The following GPM6A variants were observed in gnomAD, a reference collection of about 807,000 sequenced individuals.
GPM6A encodes the protein neuronal membrane glycoprotein M6-a.
Under a neutral mutation model 32.1 loss-of-function variants are expected in GPM6A, and 7 were observed. The ratio of observed to expected loss-of-function variants is 0.22; its 90% CI spans 0.12 to 0.41. The LOEUF is 0.41. GPM6A is among the 10% of genes least tolerant of loss of function. The probability of loss-of-function intolerance (pLI) is 1.00; values close to 1 mark genes in which losing one functional copy is unlikely to be tolerated. For synonymous variants in GPM6A, 130 were observed against 123.4 expected (o/e 1.05, Z -0.35); for missense variants, 235 against 347.2 (o/e 0.68, Z 2.57).
chr4:175,998,808 C>G (rs192732680), intron 1 of GPM6A, among the ~76,000 whole-genome samples: 1 of 152,280 alleles, frequency 6.6e-6, no homozygotes, highest in African/African-American at 2.4e-5. Flanking sequence ...ACTGTGACAA[C>G]TGGATCTGTC....
At chr4:175,868,485 G>A (rs1479112788) in intron 1 of GPM6A, among the ~76,000 whole-genome samples, 2 of 152,100 alleles carry the variant, frequency 1.3e-5, no homozygotes, top group Non-Finnish European at 2.9e-5. Context: ...TCTAAGTAGA[G>A]CTTTACCTGC....
chr4:175,940,864 C>T (rs1739383909), intron 1 of GPM6A, among the ~76,000 whole-genome samples: 2 of 152,252 alleles, frequency 1.3e-5, no homozygotes, highest in African/African-American at 4.8e-5. Flanking sequence ...GCCTCAGCTT[C>T]CCAAAGTGCT....
intron 1 of GPM6A, among the ~76,000 whole-genome samples, chr4:175,998,140 C>T (rs1741365777): frequency 6.6e-6 from 1 of 150,440 alleles, no homozygotes; most frequent in Non-Finnish European, 1.5e-5. Context: ...AGATGTCTTG[C>T]TATTACCTCT....
chr4:175,904,238 C>G (rs1332054225), intron 1 of GPM6A, among the ~76,000 whole-genome samples: 3 of 152,034 alleles, frequency 2.0e-5, no homozygotes, highest in Non-Finnish European at 4.4e-5. Context: ...CCTAAGATAG[C>G]AAATGTGTTT....
At chr4:175,927,604 G>T (rs1359436545) in intron 1 of GPM6A, among the ~76,000 whole-genome samples, 1 of 152,242 alleles carries the variant, frequency 6.6e-6, no homozygotes, top group African/African-American at 2.4e-5. Flanking sequence ...GTATAATTCG[G>T]CCAGGCACGG....
chr4:175,918,898 A>C (rs1337452384), intron 1 of GPM6A, among the ~76,000 whole-genome samples: 2 of 152,022 alleles, frequency 1.3e-5, no homozygotes, highest in Non-Finnish European at 2.9e-5. Flanking sequence ...TATATCCTTT[A>C]CTTTTTATGA....
chr4:175,637,135 TTA>T (rs1276845941), intron 6 of GPM6A, among the ~76,000 whole-genome samples: 4 of 121,734 alleles, frequency 3.3e-5, no homozygotes, highest in Admixed American at 1.0e-4. Context: ...ATATAATATA[TTA>T]TATATGATAT....
chr4:175,986,398 G>A (rs1265100240), intron 1 of GPM6A, among the ~76,000 whole-genome samples: 2 of 151,670 alleles, frequency 1.3e-5, no homozygotes, highest in East Asian at 3.9e-4. Flanking sequence ...TAAGTTGGGT[G>A]CAGTGGCTGT....
intron 1 of GPM6A, among the ~76,000 whole-genome samples, chr4:175,883,730 A>C (rs1241913191): frequency 1.3e-5 from 2 of 152,146 alleles, no homozygotes; most frequent in Non-Finnish European, 2.9e-5. Flanking sequence ...AGAACGTGTC[A>C]GTTTCAAAAC....
At chr4:175,878,489 A>G (rs762847511) in intron 1 of GPM6A, among the ~76,000 whole-genome samples, 2 of 152,062 alleles carry the variant, frequency 1.3e-5, no homozygotes, top group Admixed American at 6.6e-5. Context: ...CCAACACCAC[A>G]TGTAAGCTGC....
intron 2 of GPM6A, among the ~76,000 whole-genome samples, chr4:175,676,862 A>T (rs1417991220): frequency 6.6e-6 from 1 of 152,226 alleles, no homozygotes; most frequent in African/African-American, 2.4e-5. Flanking sequence ...AAAGCCTCTT[A>T]ATTCTTAGCT....
chr4:175,985,802 T>C (rs1462305043), intron 1 of GPM6A, among the ~76,000 whole-genome samples: 6 of 152,162 alleles, frequency 3.9e-5, no homozygotes, highest in Non-Finnish European at 7.3e-5. Flanking sequence ...TTTTCTTTCA[T>C]TTATTTATAA....
chr4:175,789,954 AAT>A (rs1456618366), intron 1 of GPM6A, among the ~76,000 whole-genome samples: 1 of 152,210 alleles, frequency 6.6e-6, no homozygotes, highest in Non-Finnish European at 1.5e-5. Context: ...TGTTCTGAGT[AAT>A]ATCAGAATTA....
intron 1 of GPM6A, among the ~76,000 whole-genome samples, chr4:175,828,454 T>C (rs190240888): frequency 3.9e-5 from 6 of 152,352 alleles, no homozygotes; most frequent in Non-Finnish European, 5.9e-5. Context: ...ACTAAGAAGA[T>C]GACAATCTTG....
At chr4:175,948,656 A>G (rs1739694893) in intron 1 of GPM6A, among the ~76,000 whole-genome samples, 1 of 152,266 alleles carries the variant, frequency 6.6e-6, no homozygotes, top group African/African-American at 2.4e-5. Context: ...CAAATATATC[A>G]TATGGGTTAA....
Position 175,966,890 on chromosome 4 carries a change from G to A in GPM6A, c.-23+35419C>T, listed in dbSNP as rs550882646. Among the ~76,000 whole-genome samples the A allele has an allele frequency of 5.3e-5, 8 of 152,248 alleles. No homozygotes were observed. The South Asian group carries it at 1.7e-3, about 32-fold the overall frequency. ...CTATTGAATTCTACCAAATATTTAAGAAAGAAACCAATTCTTTAAAATCTC... is the reference window on the plus strand; with the variant it reads ...CTATTGAATTCTACCAAATATTTAAAAAAGAAACCAATTCTTTAAAATCTC... On this transcript the variant is annotated intron_variant, in intron 1 of 7. Coordinates refer to the GPM6A transcript ENST00000280187.
intron 1 of GPM6A, among the ~76,000 whole-genome samples, chr4:175,926,831 A>G (rs1183699127): frequency 1.3e-5 from 2 of 152,174 alleles, no homozygotes; most frequent in Non-Finnish European, 2.9e-5. Flanking sequence ...GATTTTAATA[A>G]CTATATAATA....
chr4:175,925,370 AT>A (rs1169056347), intron 1 of GPM6A, among the ~76,000 whole-genome samples: 1 of 152,226 alleles, frequency 6.6e-6, no homozygotes, highest in Non-Finnish European at 1.5e-5. Flanking sequence ...CATTTAGCAA[AT>A]GATCTTCAAA....
At position 175,701,643 on chromosome 4, in the gene GPM6A, A is replaced by G; in HGVS notation, c.162T>C (p.Thr54=). The change falls in exon 2 of 7, where the codon ACT becomes ACC. Residue 54 remains threonine (T), a synonymous_variant. Transcript: ENST00000393658. ...CGCGHEALSG[T]VNILQTYFEM... is the part of the protein sequence containing the mutation. ...CAAAGTAGGTTTGCAGAATGTTGAC[A>G]GTTCCAGAAAGCGCTTCATGACCGC... 1.2e-6 allele frequency: 2 copies of G among 1,614,088 alleles called. No homozygotes were observed. Among genetic ancestry groups the G allele is most frequent in the East Asian group, 2.2e-5 (1 of 44,874 alleles).
Sources: gnomAD v4.1 joint callset for allele counts (sites outside exome capture counted in the v4.1 genomes callset) on GRCh38, gnomAD v4.1.1 for gene constraint, MANE v1.5 for transcripts, NCBI Gene and HGNC (gene_info 2026-07-23, HGNC 2026-07-21) for gene names.